PEAK1: variants seen among roughly 807,000 people sequenced by gnomAD.
PEAK1 encodes the protein inactive tyrosine-protein kinase PEAK1.
A neutral mutation model predicts 124.7 loss-of-function variants in PEAK1; 54 were observed. The observed-to-expected ratio is 0.43, with a 90% CI of 0.35 to 0.54. The LOEUF (loss-of-function observed/expected upper bound fraction) is 0.54, where lower values mean the gene tolerates loss of function less well. Among genes scored for constraint, PEAK1 ranks in the 20% least tolerant of loss-of-function variants. The pLI, the probability that PEAK1 is intolerant of heterozygous loss-of-function variation, is 0.01. For synonymous variants in PEAK1, 719 were observed against 760.0 expected, an observed-to-expected ratio of 0.95 and a Z score of 0.89; for missense variants, 2,046 against 2,134.5, an observed-to-expected ratio of 0.96 and a Z score of 0.82.
chr15:77,346,309 G>A, intron 2 of PEAK1: 3 of 956,612 alleles, frequency 3.1e-6, no homozygotes, highest in Non-Finnish European at 3.7e-6. Flanking sequence ...TCATTATTTT[G>A]TTCTATTCTA....
intron 1 of PEAK1, chr15:77,402,847 G>A (rs556967923): frequency 4.0e-5 from 39 of 985,208 alleles, no homozygotes; most frequent in South Asian, 2.3e-4. Flanking sequence ...ATGCCCTAAC[G>A]AATGGGAAAT....
intron 7 of PEAK1, among the ~76,000 whole-genome samples, chr15:77,170,522 A>C (rs1276019884): frequency 6.6e-6 from 1 of 152,122 alleles, no homozygotes; most frequent in Non-Finnish European, 1.5e-5. Flanking sequence ...GAGTGTGGGG[A>C]TATAACTAGA....
chr15:77,361,276 C>T (rs537841841), intron 2 of PEAK1, among the ~76,000 whole-genome samples: 16 of 152,026 alleles, frequency 1.1e-4, no homozygotes, highest in Middle Eastern at 3.4e-3. Context: ...ACTCCATCTC[C>T]GCAAAAAATT....
intron 2 of PEAK1, among the ~76,000 whole-genome samples, chr15:77,318,765 A>G (rs2065027620): frequency 1.3e-5 from 2 of 152,240 alleles, no homozygotes; most frequent in East Asian, 3.9e-4. Context: ...TATAAGTAAC[A>G]CAAAACCCAC....
At chr15:77,302,486 T>A (rs2063838211) in intron 2 of PEAK1, among the ~76,000 whole-genome samples, 1 of 152,178 alleles carries the variant, frequency 6.6e-6, no homozygotes, top group Admixed American at 6.5e-5. Flanking sequence ...TCTTAATTGT[T>A]CAATTCCAGT....
chr15:77,367,987 T>A (rs989935528), intron 1 of PEAK1, among the ~76,000 whole-genome samples: 1 of 152,208 alleles, frequency 6.6e-6, no homozygotes, highest in Admixed American at 6.5e-5. Flanking sequence ...CTGTTTATAA[T>A]CTTTACGCTG....
At chr15:77,357,399 A>G (rs1395166269) in intron 2 of PEAK1, among the ~76,000 whole-genome samples, 3 of 152,200 alleles carry the variant, frequency 2.0e-5, no homozygotes, top group Non-Finnish European at 4.4e-5. Flanking sequence ...CAGCCTCCCA[A>G]GTAGCTGAGA....
chr15:77,290,626 T>C (rs1238472568), intron 2 of PEAK1, among the ~76,000 whole-genome samples: 1 of 151,396 alleles, frequency 6.6e-6, no homozygotes, highest in East Asian at 1.9e-4. Flanking sequence ...CATGGATCAC[T>C]GCAGCCTCCA....
chr15:77,309,309 A>G (rs1426270665), intron 2 of PEAK1, among the ~76,000 whole-genome samples: 10 of 152,044 alleles, frequency 6.6e-5, no homozygotes, highest in African/African-American at 2.2e-4. Context: ...AGCGGCCACC[A>G]TTGCTTTTGA....
intron 1 of PEAK1, among the ~76,000 whole-genome samples, chr15:77,367,091 G>A (rs986865447): frequency 1.3e-5 from 2 of 152,140 alleles, no homozygotes; most frequent in African/African-American, 4.8e-5. Flanking sequence ...CCGAGATCAT[G>A]CCACTGTACT....
intron 8 of PEAK1, among the ~76,000 whole-genome samples, chr15:77,152,626 TGTC>T (rs2054749860): frequency 2.0e-5 from 3 of 152,322 alleles, no homozygotes; most frequent in African/African-American, 4.8e-5. Context: ...GCTGTGGGTT[TGTC>T]ATAGATAGCT....
downstream of PEAK1, chr15:77,105,137 T>C (rs909799670): frequency 3.1e-4 from 47 of 152,268 alleles, no homozygotes; most frequent in African/African-American, 1.0e-3. Flanking sequence ...CTGGTGAGCA[T>C]TGGGTGGTCC....
At position 77,285,893 on chromosome 15, in the gene PEAK1, C is replaced by T. The variant is rs556121066; in HGVS notation, c.-521+530G>A. Among the ~76,000 whole-genome samples the T allele has an allele frequency of 7.2e-5, 11 of 152,250 alleles. No homozygotes were observed. The South Asian group carries it at 2.3e-3, about 32-fold the overall frequency. On this transcript the variant is annotated intron_variant, in intron 3 of 9. Transcript: ENST00000682557. Reference sequence around the variant, plus strand: ...GATCTTAGTTATTTCTTGTCTTCTGCTAGCTTTTGAATTTGTTTGTTATTG... The same window carrying T: ...GATCTTAGTTATTTCTTGTCTTCTGTTAGCTTTTGAATTTGTTTGTTATTG...
At chr15:77,341,802 CA>C (rs985124364) in intron 2 of PEAK1, among the ~76,000 whole-genome samples, 5 of 151,956 alleles carry the variant, frequency 3.3e-5, no homozygotes, top group Non-Finnish European at 7.4e-5. Flanking sequence ...AAGTCTAAGA[CA>C]AAGACAAGAC....
At chr15:77,175,505 CTCA>C (rs1324544161) in intron 7 of PEAK1, among the ~76,000 whole-genome samples, 1 of 151,588 alleles carries the variant, frequency 6.6e-6, no homozygotes, top group African/African-American at 2.4e-5. Flanking sequence ...TGAAAAAATG[CTCA>C]TCATCACTGG....
At chr15:77,415,460 T>C (rs2072799548) in intron 1 of PEAK1, among the ~76,000 whole-genome samples, 1 of 152,168 alleles carries the variant, frequency 6.6e-6, no homozygotes. Flanking sequence ...AGGGTCTCAT[T>C]ATGTTGCCCA....
intron 5 of PEAK1, among the ~76,000 whole-genome samples, chr15:77,252,824 A>G (rs1017873041): frequency 1.3e-5 from 2 of 152,216 alleles, no homozygotes; most frequent in Non-Finnish European, 2.9e-5. Flanking sequence ...TACTGGAAGT[A>G]TATGAATACT....
intron 7 of PEAK1, among the ~76,000 whole-genome samples, chr15:77,177,650 A>T (rs2056966503): frequency 6.6e-6 from 1 of 152,026 alleles, no homozygotes; most frequent in African/African-American, 2.4e-5. Context: ...GTAAGGAGGG[A>T]GAAGGACTCA....
chr15:77,349,601 T>C, intron 2 of PEAK1: 1 of 984,900 alleles, frequency 1.0e-6, no homozygotes, highest in Non-Finnish European at 1.2e-6. Context: ...TATGCTTGAG[T>C]ATGATACTGA....
Sources: gnomAD v4.1 joint callset for allele counts (sites outside exome capture counted in the v4.1 genomes callset) on GRCh38, gnomAD v4.1.1 for gene constraint, MANE v1.5 for transcripts, NCBI Gene and HGNC (gene_info 2026-07-23, HGNC 2026-07-21) for gene names.